Variants in GRIN2B observed in about 807,000 individuals in gnomAD.
GRIN2B encodes the protein glutamate ionotropic receptor NMDA type subunit 2B.
A neutral mutation model predicts 114.5 loss-of-function variants in GRIN2B; 5 were observed. The observed-to-expected ratio is 0.04, with a 90% confidence interval of 0.02 to 0.09. The LOEUF is 0.09. Among genes scored for constraint, GRIN2B ranks in the 10% least tolerant of loss-of-function variants. GRIN2B has a pLI of 1.00. For missense variants in GRIN2B, 1,108 were observed against 1,943.5 expected, an observed-to-expected ratio of 0.57 and a Z score of 8.08; for synonymous variants, 787 against 745.1, an observed-to-expected ratio of 1.06 and a Z score of -0.92.
intron 3 of GRIN2B, among the ~76,000 whole-genome samples, chr12:13,778,631 A>G (rs1864049547): frequency 6.6e-6 from 1 of 152,198 alleles, no homozygotes; most frequent in Admixed American, 6.5e-5. Flanking sequence ...GCACAACCAC[A>G]TGAGTGCTTA....
chr12:13,649,483 T>C (rs722646), intron 5 of GRIN2B, among the ~76,000 whole-genome samples: 146,493 of 152,162 alleles, frequency 0.96, 70,742 homozygotes, highest in East Asian at 1. Context: ...ATAAATGCTA[T>C]AGTGAAATTA....
intron 2 of GRIN2B, among the ~76,000 whole-genome samples, chr12:13,875,748 T>C (rs1186684573): frequency 6.6e-6 from 1 of 152,222 alleles, no homozygotes; most frequent in Non-Finnish European, 1.5e-5. Context: ...CTTAATTTGC[T>C]GTGCGATCTT....
chr12:13,656,987 G>A (rs1303725680), intron 5 of GRIN2B, among the ~76,000 whole-genome samples: 1 of 152,088 alleles, frequency 6.6e-6, no homozygotes, highest in African/African-American at 2.4e-5. Flanking sequence ...TTTCTTTCTG[G>A]GATACTAGGA....
At position 13,564,322 on chromosome 12, in the gene GRIN2B, G is replaced by C; in HGVS notation, c.2916C>G (p.Asn972Lys). ...ACACGTTGCTGTCCTTCAGCTGCAG[G>C]TTCCCGAACGTTCTCTCTACCTCAC... ...YISEVERTFG[N>K]LQLKDSNVYQ... Residue 972 changes from asparagine (N) to lysine (K), a missense_variant, in exon 14 of 14, where the codon AAC becomes AAG. Asn to Lys is a moderately conservative substitution (Grantham distance 94). Coordinates refer to ENST00000609686, the MANE Select transcript of GRIN2B (RefSeq NM_000834.5). This position sits in a 1 kb window ranked among gnomAD's most constrained non-coding sequence, Gnocchi z 4.8. The C allele has an allele frequency of 6.2e-7, 1 of 1,614,208 alleles. No homozygotes were observed. Among genetic ancestry groups the C allele is most frequent in the Non-Finnish European group, 8.5e-7 (1 of 1,180,036 alleles).
chr12:13,736,146 GGGGGT>G lies in GRIN2B; in HGVS notation c.1010+17166_1010+17170del, dbSNP rs1179681646. On this transcript the variant is annotated intron_variant, in intron 4 of 13. Transcript: ENST00000609686. ...CTCCCATAGAAAAGCGGGGGGGGGG[GGGGGT>G]TGGCGGGAATAAACAGGTGGCCACT... Among the ~76,000 whole-genome samples the G allele has an allele frequency of 5.1e-4, 20 of 38,996 alleles. 2 individuals carry two copies. The highest frequency in any genetic ancestry group is 7.6e-4 in the Non-Finnish European group (13 of 17,148). 25.6% of individuals were successfully genotyped at this position (38,996 alleles called of 152,430 possible).
chr12:13,802,931 C>T (rs1375640431), intron 3 of GRIN2B, among the ~76,000 whole-genome samples: 1 of 151,992 alleles, frequency 6.6e-6, no homozygotes, highest in Non-Finnish European at 1.5e-5. Context: ...TGTGCAGGGT[C>T]CACTTACACA....
At chr12:13,708,075 C>T (rs1303597172) in intron 4 of GRIN2B, among the ~76,000 whole-genome samples, 3 of 152,068 alleles carry the variant, frequency 2.0e-5, no homozygotes, top group African/African-American at 7.2e-5. Context: ...CAGGTACAGA[C>T]TTGTGTTGAA....
chr12:13,972,592 T>G (rs906666616), intron 2 of GRIN2B, among the ~76,000 whole-genome samples: 1 of 152,158 alleles, frequency 6.6e-6, no homozygotes, highest in African/African-American at 2.4e-5. Flanking sequence ...GGCCATGCAT[T>G]CCAAGGGGGC....
intron 2 of GRIN2B, among the ~76,000 whole-genome samples, chr12:13,908,257 A>G (rs1866576571): frequency 6.6e-6 from 1 of 152,068 alleles, no homozygotes; most frequent in African/African-American, 2.4e-5. Flanking sequence ...AACAGAAAAG[A>G]ACATATAGTG....
At chr12:13,838,602 C>G (rs1865322669) in intron 3 of GRIN2B, among the ~76,000 whole-genome samples, 1 of 152,168 alleles carries the variant, frequency 6.6e-6, no homozygotes, top group Non-Finnish European at 1.5e-5. Flanking sequence ...CCCCACCACC[C>G]CCCCATCTTA....
chr12:13,576,855 G>A (rs1948783918), intron 10 of GRIN2B, among the ~76,000 whole-genome samples: 1 of 152,108 alleles, frequency 6.6e-6, no homozygotes, highest in Non-Finnish European at 1.5e-5. Context: ...GCTGGGCTCA[G>A]TACTCTTTAT....
intron 2 of GRIN2B, among the ~76,000 whole-genome samples, chr12:13,940,847 C>A (rs1205306172): frequency 6.6e-6 from 1 of 152,190 alleles, no homozygotes; most frequent in African/African-American, 2.4e-5. Flanking sequence ...CCTGCCCCAC[C>A]CTGACATATA....
At chr12:13,973,056 T>C (rs983340878) in intron 2 of GRIN2B, among the ~76,000 whole-genome samples, 2 of 152,218 alleles carry the variant, frequency 1.3e-5, no homozygotes, top group African/African-American at 4.8e-5. Flanking sequence ...GTTAAGAATG[T>C]CGGCCATTTT....
At chr12:13,928,577 A>G (rs551922529) in intron 2 of GRIN2B, among the ~76,000 whole-genome samples, 1 of 152,366 alleles carries the variant, frequency 6.6e-6, no homozygotes, top group East Asian at 1.9e-4. Context: ...AACTTGTAAG[A>G]AAAGTGGCTA....
intron 10 of GRIN2B, among the ~76,000 whole-genome samples, chr12:13,607,351 A>AT (rs1565473676): frequency 1.0e-4 from 3 of 29,728 alleles, no homozygotes; most frequent in African/African-American, 3.4e-4. Context: ...ATAATATATA[A>AT]AATATATAAT....
At chr12:13,698,585 G>A (rs754902581) in intron 4 of GRIN2B, among the ~76,000 whole-genome samples, 3 of 152,100 alleles carry the variant, frequency 2.0e-5, no homozygotes, top group Non-Finnish European at 2.9e-5. Flanking sequence ...TCCACAATGT[G>A]TATACATATA....
At chr12:13,642,662 A>G (rs1949730426) in intron 5 of GRIN2B, among the ~76,000 whole-genome samples, 1 of 152,188 alleles carries the variant, frequency 6.6e-6, no homozygotes, top group African/African-American at 2.4e-5. Flanking sequence ...CCAAAAATGC[A>G]TGTTTATTTG....
At chr12:13,843,906 GT>G (rs1865428168) in intron 3 of GRIN2B, among the ~76,000 whole-genome samples, 1 of 152,312 alleles carries the variant, frequency 6.6e-6, no homozygotes, top group Admixed American at 6.5e-5. Context: ...GTAAAGTGAT[GT>G]TTAATACTCA....
Position 13,973,753 on chromosome 12 carries a change from G to A in GRIN2B, c.-19+6175C>T, listed in dbSNP as rs528928857. Among the ~76,000 whole-genome samples, 33 of 152,264 alleles carry A rather than the reference G, an allele frequency of 2.2e-4. No homozygotes were observed. In the South Asian group the frequency reaches 6.6e-3, roughly 31 times the overall value. On this transcript the variant is annotated intron_variant, in intron 2 of 13. Coordinates refer to ENST00000609686, the MANE Select transcript of GRIN2B (RefSeq NM_000834.5). Reference sequence around the variant, plus strand: ...TTAATAAGTCATCAGGCTGAGCTTAGGTTTCTTCTGCTAATGAAACAAATA... The same window carrying A: ...TTAATAAGTCATCAGGCTGAGCTTAAGTTTCTTCTGCTAATGAAACAAATA...
Sources: allele counts gnomAD v4.1 joint callset (sites outside exome capture counted in the v4.1 genomes callset), GRCh38; gene constraint gnomAD v4.1.1; non-coding constraint Gnocchi (gnomAD v3.1); transcripts MANE v1.5; gene names NCBI Gene and HGNC (gene_info 2026-07-23, HGNC 2026-07-21).